CCNY: variants seen among roughly 807,000 people sequenced by gnomAD.
CCNY encodes cyclin Y.
A neutral mutation model predicts 42.8 loss-of-function variants in CCNY; 19 were observed. That is an observed-to-expected ratio of 0.44 (90% confidence interval 0.31 to 0.65). The LOEUF is 0.65. Ranked by LOEUF, CCNY falls within the 30% of genes least tolerant of loss-of-function variation. The probability of loss-of-function intolerance (pLI) is 0.07; values close to 1 mark genes in which losing one functional copy is unlikely to be tolerated. For missense variants in CCNY, 370 were observed against 437.3 expected (o/e 0.85, Z 1.37); for synonymous variants, 165 against 162.7 (o/e 1.01, Z -0.11).
At position 35,470,678 on chromosome 10, in the gene CCNY, G is replaced by A. The variant is rs1045364398; in HGVS notation, c.155-12726G>A. Among the ~76,000 whole-genome samples the A allele has an allele frequency of 2.0e-5, 3 of 152,322 alleles. No homozygotes were observed. In the East Asian group the frequency reaches 5.8e-4, roughly 29 times the overall value. On this transcript the variant is annotated intron_variant, in intron 1 of 9. Coordinates refer to ENST00000374704, the MANE Select transcript of CCNY (RefSeq NM_145012.6). ...AACTGCAGTAGCAGCACTTGGCTGC[G>A]GCAGCCACAGCAGGAGCTGTTGTTC...
chr10:35,415,592 G>A (rs1463815906), intron 1 of CCNY, among the ~76,000 whole-genome samples: 1 of 152,196 alleles, frequency 6.6e-6, no homozygotes, highest in Non-Finnish European at 1.5e-5. Flanking sequence ...AGTCTGCAGG[G>A]GAGGCTGCTT....
intron 9 of CCNY, 173 bp downstream of exon 9, chr10:35,566,358 T>C (rs1362557685): frequency 2.8e-6 from 2 of 720,170 alleles, no homozygotes; most frequent in Non-Finnish European, 4.4e-6. Context: ...GCTTCTTTTT[T>C]CTTTGAGACG....
chr10:35,360,672 C>T (rs571346888), intron 1 of CCNY, among the ~76,000 whole-genome samples: 37 of 151,950 alleles, frequency 2.4e-4, no homozygotes, highest in African/African-American at 8.2e-4. Flanking sequence ...ACCTGTAATC[C>T]TACCACACAG....
intron 1 of CCNY, among the ~76,000 whole-genome samples, chr10:35,392,162 G>A (rs530630820): frequency 4.6e-5 from 7 of 152,120 alleles, no homozygotes; most frequent in Admixed American, 1.3e-4. Flanking sequence ...TTCCTGCTGC[G>A]TATAGTGGGA....
intron 3 of CCNY, among the ~76,000 whole-genome samples, chr10:35,256,602 G>C (rs1018958139): frequency 2.0e-5 from 3 of 151,704 alleles, no homozygotes; most frequent in Non-Finnish European, 2.9e-5. Flanking sequence ...TGTGGTGGCG[G>C]GTGCCTGTAA....
rs117458262 is a variant in CCNY, at chr10:35,409,687, C to T, written c.154+72480C>T. 3.5e-3 allele frequency among the ~76,000 whole-genome samples: 538 copies of T among 152,232 alleles called. 2 individuals are homozygous for T. Among genetic ancestry groups the T allele is most frequent in the Middle Eastern group, 6.8e-3 (2 of 294 alleles). On this transcript the variant is annotated intron_variant, in intron 1 of 9. Transcript: ENST00000374704. The stretch of plus-strand genomic sequence containing the variant: ...TATAGGAAACACTCCAAAGAGCTTG[C>T]GTTAAAACAAAAATAAGTAAAAATG...
Position 35,516,510 on chromosome 10 carries a change from T to C in CCNY, c.265-13T>C. 6.3e-7 allele frequency: 1 copy of C among 1,587,434 alleles called. No homozygotes were observed. Among genetic ancestry groups the C allele is most frequent in the Non-Finnish European group, 8.7e-7 (1 of 1,155,998 alleles). On this transcript the variant is annotated splice_polypyrimidine_tract_variant and intron_variant, in intron 3 of 9. Transcript: ENST00000374704. ...TGTGTAATTGCCTTAATCTTCTTGC[T>C]GTTGTTTTCTAGCATCCTCCAGGAC...
At chr10:35,509,706 TGGTGCTTTCCTCTCTCCCAGCCG>T (rs1346007575) in intron 3 of CCNY, among the ~76,000 whole-genome samples, 2 of 152,200 alleles carry the variant, frequency 1.3e-5, no homozygotes, top group Non-Finnish European at 2.9e-5. Context: ...AAAGTGATGA[TGGTGCTTTCCTCTCTCCCAGCCG>T]GGTGCCTTCC....
chr10:35,400,198 G>T (rs1369573608), intron 1 of CCNY, among the ~76,000 whole-genome samples: 1 of 140,598 alleles, frequency 7.1e-6, no homozygotes, highest in East Asian at 2.1e-4. Flanking sequence ...TTTGGATTTT[G>T]TAAAATACTA....
At chr10:35,405,310 G>A (rs1175353141) in intron 1 of CCNY, among the ~76,000 whole-genome samples, 1 of 152,104 alleles carries the variant, frequency 6.6e-6, no homozygotes, top group East Asian at 1.9e-4. Flanking sequence ...ATGGTAAAGG[G>A]TGCATCATTT....
upstream of CCNY, among the ~76,000 whole-genome samples, chr10:35,331,947 A>G (rs775311525): frequency 3.3e-4 from 51 of 152,328 alleles, no homozygotes; most frequent in Non-Finnish European, 5.9e-4. Context: ...CAGAATGGAA[A>G]CTATAATCCA....
At chr10:35,351,756 C>T (rs1277524195) in intron 1 of CCNY, among the ~76,000 whole-genome samples, 3 of 152,156 alleles carry the variant, frequency 2.0e-5, no homozygotes, top group Non-Finnish European at 2.9e-5. Context: ...CCTTACAGGA[C>T]CTTTTTTGGT....
chr10:35,552,511 T>C (rs980042344), intron 7 of CCNY, among the ~76,000 whole-genome samples: 1 of 152,244 alleles, frequency 6.6e-6, no homozygotes, highest in East Asian at 1.9e-4. Context: ...ACAGTGTGAA[T>C]GTACCTAATG....
intron 3 of CCNY, among the ~76,000 whole-genome samples, chr10:35,290,259 C>CACAG (rs1564359660): frequency 6.6e-6 from 1 of 150,606 alleles, no homozygotes; most frequent in African/African-American, 2.4e-5. Flanking sequence ...CACACACACA[C>CACAG]ACACAAAATT....
intron 1 of CCNY, among the ~76,000 whole-genome samples, chr10:35,393,492 T>C (rs1837458351): frequency 6.6e-6 from 1 of 152,216 alleles, no homozygotes; most frequent in Non-Finnish European, 1.5e-5. Context: ...CACCCTGTTG[T>C]AGGGACACCT....
chr10:35,485,991 G>A (rs1040104395), intron 2 of CCNY, among the ~76,000 whole-genome samples: 3 of 152,052 alleles, frequency 2.0e-5, no homozygotes, highest in Admixed American at 6.5e-5. Flanking sequence ...GTCAACTGTC[G>A]TGTCTAACCA....
chr10:35,311,513 CA>C (rs1446292892), intron 3 of CCNY, among the ~76,000 whole-genome samples: 9 of 151,740 alleles, frequency 5.9e-5, no homozygotes, highest in Non-Finnish European at 8.8e-5. Flanking sequence ...CCTGTCTCTC[CA>C]AAAAATACAA....
chr10:35,272,172 A>G (rs2135044496), intron 3 of CCNY, among the ~76,000 whole-genome samples: 1 of 152,192 alleles, frequency 6.6e-6, no homozygotes, highest in East Asian at 1.9e-4. Flanking sequence ...TTTTTAGTAG[A>G]GAGGGGGTTT....
At chr10:35,406,195 T>A (rs1837758786) in intron 1 of CCNY, among the ~76,000 whole-genome samples, 6 of 146,026 alleles carry the variant, frequency 4.1e-5, no homozygotes, top group African/African-American at 1.0e-4. Context: ...TTTTTTTTCT[T>A]TTTTATTTTA....
Sources: allele counts gnomAD v4.1 joint callset (sites outside exome capture counted in the v4.1 genomes callset), GRCh38; gene constraint gnomAD v4.1.1; transcripts MANE v1.5; gene names NCBI Gene and HGNC (gene_info 2026-07-23, HGNC 2026-07-21).